The following HDAC9 variants were observed in gnomAD, a reference collection of about 807,000 sequenced individuals.
The protein encoded by HDAC9 is histone deacetylase 9, also known as MEF-2 interacting transcription repressor (MITR) protein.
HDAC9 carries 41 observed loss-of-function variants against 139.4 expected under a neutral mutation model. That is an observed-to-expected ratio of 0.29 (90% confidence interval 0.23 to 0.38). The LOEUF is 0.38. Among genes scored for constraint, HDAC9 ranks in the 10% least tolerant of loss-of-function variants. The probability of loss-of-function intolerance (pLI) is 1.00; values close to 1 mark genes in which losing one functional copy is unlikely to be tolerated. For missense variants in HDAC9, 1,147 were observed against 1,297.0 expected (o/e 0.88, Z 1.78); for synonymous variants, 517 against 476.2 (o/e 1.09, Z -1.12).
chr7:18,833,708 T>C lies in HDAC9; in HGVS notation c.2467-1759T>C, dbSNP rs1222437825. ...TGTATGTCTTTAGCTGAAACAACTT[T>C]CTGGGATGATGTGTATGTGCCCCAA... On this transcript the variant is annotated intron_variant, in intron 19 of 25. Transcript: ENST00000686413. 3.3e-5 allele frequency among the ~76,000 whole-genome samples: 5 copies of C among 152,332 alleles called. No homozygotes were observed. The East Asian group carries it at 7.7e-4, about 24-fold the overall frequency.
At chr7:18,414,519 C>T (rs759207936) in intron 1 of HDAC9, among the ~76,000 whole-genome samples, 17 of 151,722 alleles carry the variant, frequency 1.1e-4, no homozygotes, top group East Asian at 1.9e-4. Flanking sequence ...AATTCAGTAA[C>T]GTAAGTATTT....
At chr7:18,355,735 A>G (rs556714011) in intron 1 of HDAC9, among the ~76,000 whole-genome samples, 1 of 152,294 alleles carries the variant, frequency 6.6e-6, no homozygotes, top group South Asian at 2.1e-4. Flanking sequence ...TGAGGGATTT[A>G]ACCCCCATTT....
chr7:18,350,969 T>C (rs1029409005), intron 1 of HDAC9, among the ~76,000 whole-genome samples: 3 of 152,172 alleles, frequency 2.0e-5, no homozygotes, highest in African/African-American at 2.4e-5. Flanking sequence ...GTTTTGTAAG[T>C]GCAACCTGAA....
intron 1 of HDAC9, among the ~76,000 whole-genome samples, chr7:18,334,399 A>T (rs937593946): frequency 6.6e-6 from 1 of 151,558 alleles, no homozygotes; most frequent in African/African-American, 2.4e-5. Context: ...CTCACCAGAG[A>T]TGGATAAAAA....
chr7:18,666,825 G>C (rs1480607144), intron 12 of HDAC9: 1 of 1,069,992 alleles, frequency 9.3e-7, no homozygotes, highest in African/African-American at 1.7e-5. Flanking sequence ...CAAATTCACT[G>C]TTATTTTGAG....
chr7:18,251,056 T>G (rs113814110), intron 2 of HDAC9, among the ~76,000 whole-genome samples: 11 of 152,146 alleles, frequency 7.2e-5, no homozygotes, highest in African/African-American at 2.2e-4. Context: ...TACATGCACA[T>G]GTATGGTCAT....
intron 1 of HDAC9, among the ~76,000 whole-genome samples, chr7:18,470,520 TAGAC>T (rs1794642575): frequency 1.3e-5 from 2 of 152,140 alleles, no homozygotes. Context: ...CTACAGACAT[TAGAC>T]AGCCTATGTG....
intron 1 of HDAC9, among the ~76,000 whole-genome samples, chr7:18,140,915 T>G (rs1381175301): frequency 6.6e-6 from 1 of 152,000 alleles, no homozygotes; most frequent in African/African-American, 2.4e-5. Flanking sequence ...AAAGTTTTTT[T>G]TTTTTTTTTA....
intron 6 of HDAC9, among the ~76,000 whole-genome samples, chr7:18,627,095 T>C (rs1473617148): frequency 2.0e-5 from 3 of 152,212 alleles, no homozygotes; most frequent in Non-Finnish European, 2.9e-5. Context: ...GGAAAGGCTT[T>C]AAGCTATGTT....
chr7:18,922,117 T>C (rs1475045331), intron 22 of HDAC9, among the ~76,000 whole-genome samples: 1 of 150,100 alleles, frequency 6.7e-6, no homozygotes, highest in Non-Finnish European at 1.5e-5. Context: ...TTAGGAGATA[T>C]ACCTAATGCT....
At chr7:18,397,697 C>T (rs1264534493) in intron 1 of HDAC9, among the ~76,000 whole-genome samples, 1 of 152,102 alleles carries the variant, frequency 6.6e-6, no homozygotes, top group Non-Finnish European at 1.5e-5. Flanking sequence ...AAACATTCTG[C>T]CATATGGAAA....
intron 16 of HDAC9, among the ~76,000 whole-genome samples, chr7:18,770,521 C>T (rs953711529): frequency 2.6e-4 from 40 of 152,086 alleles, no homozygotes; most frequent in Non-Finnish European, 2.9e-5. Flanking sequence ...CCTCATTTTC[C>T]CCTCTTCACT....
chr7:18,549,440 G>C (rs757474630), intron 2 of HDAC9, among the ~76,000 whole-genome samples: 6 of 152,062 alleles, frequency 3.9e-5, no homozygotes, highest in Non-Finnish European at 8.8e-5. Flanking sequence ...CAAACTGTGT[G>C]GTACATCCAT....
intron 22 of HDAC9, among the ~76,000 whole-genome samples, chr7:18,916,637 C>G (rs1803234824): frequency 6.6e-6 from 1 of 151,968 alleles, no homozygotes; most frequent in African/African-American, 2.4e-5. Flanking sequence ...TATTGAGCTT[C>G]AGAGAGAAAC....
At chr7:18,555,567 A>G (rs1818541999) in intron 2 of HDAC9, among the ~76,000 whole-genome samples, 1 of 152,148 alleles carries the variant, frequency 6.6e-6, no homozygotes, top group African/African-American at 2.4e-5. Flanking sequence ...ATTTTAGTAT[A>G]CACACGGAGA....
intron 2 of HDAC9, among the ~76,000 whole-genome samples, chr7:18,537,708 T>A (rs370755797): frequency 5.3e-5 from 8 of 152,282 alleles, no homozygotes; most frequent in South Asian, 2.1e-4. Context: ...GATTTTTGTA[T>A]ATGGAGGGAA....
intron 6 of HDAC9, among the ~76,000 whole-genome samples, chr7:18,608,026 C>T (rs1836005870): frequency 6.6e-6 from 1 of 151,992 alleles, no homozygotes; most frequent in Non-Finnish European, 1.5e-5. Flanking sequence ...AAGCATTTAG[C>T]CATCTGTTGT....
intron 1 of HDAC9, among the ~76,000 whole-genome samples, chr7:18,104,107 C>T (rs888571264): frequency 3.3e-5 from 5 of 152,300 alleles, no homozygotes; most frequent in Non-Finnish European, 7.3e-5. Context: ...AAAACCCGTG[C>T]AGACAAGGGG....
intron 19 of HDAC9, among the ~76,000 whole-genome samples, chr7:18,832,544 C>T (rs1289876343): frequency 6.6e-6 from 1 of 152,072 alleles, no homozygotes; most frequent in East Asian, 1.9e-4. Flanking sequence ...GATACAAGGT[C>T]TATTTTGGGA....
Sources: gnomAD v4.1 joint callset for allele counts (sites outside exome capture counted in the v4.1 genomes callset) on GRCh38, gnomAD v4.1.1 for gene constraint, MANE v1.5 for transcripts, NCBI Gene and HGNC (gene_info 2026-07-23, HGNC 2026-07-21) for gene names.